SPAG9: variants seen among roughly 807,000 people sequenced by gnomAD.
SPAG9 encodes the protein sperm associated antigen 9.
SPAG9 carries 35 observed loss-of-function variants against 166.5 expected under a neutral mutation model. The observed-to-expected ratio is 0.21, with a 90% CI of 0.16 to 0.28. The LOEUF (loss-of-function observed/expected upper bound fraction) is 0.28, where lower values mean the gene tolerates loss of function less well. Ranked by LOEUF, SPAG9 falls within the 10% of genes least tolerant of loss-of-function variation. The pLI, the probability that SPAG9 is intolerant of heterozygous loss-of-function variation, is 1.00. For missense variants in SPAG9, 1,235 were observed against 1,603.3 expected, an observed-to-expected ratio of 0.77 and a Z score of 3.92; for synonymous variants, 534 against 565.5, an observed-to-expected ratio of 0.94 and a Z score of 0.79.
At chr17:51,046,161 C>A (rs913179237) in intron 4 of SPAG9, among the ~76,000 whole-genome samples, 1 of 152,202 alleles carries the variant, frequency 6.6e-6, no homozygotes, top group African/African-American at 2.4e-5. Context: ...CCTAAATGCT[C>A]AGAAGCTAAA....
At chr17:50,976,392 T>C (rs1974209387) in intron 27 of SPAG9, among the ~76,000 whole-genome samples, 3 of 152,326 alleles carry the variant, frequency 2.0e-5, no homozygotes, top group East Asian at 1.9e-4. Context: ...ACAGGTGGGA[T>C]TGAAACCTTG....
chr17:51,030,654 T>A (rs1437977910), intron 6 of SPAG9, among the ~76,000 whole-genome samples: 1 of 152,154 alleles, frequency 6.6e-6, no homozygotes, highest in African/African-American at 2.4e-5. Flanking sequence ...ACTAAAAACC[T>A]TAACTCTAGA....
At chr17:51,112,973 A>AG (rs1432535110) in intron 1 of SPAG9, among the ~76,000 whole-genome samples, 2 of 149,656 alleles carry the variant, frequency 1.3e-5, no homozygotes, top group Non-Finnish European at 3.0e-5. Context: ...AAAAAAAAGA[A>AG]AAAAAAAAAA....
rs1259538884 is a variant in SPAG9, at chr17:51,120,851, G to T, written c.-195C>A. 3.0e-6 allele frequency: 1 copy of T among 332,332 alleles called. No homozygotes were observed. Among genetic ancestry groups the T allele is most frequent in the Non-Finnish European group, 5.4e-6 (1 of 186,132 alleles). The allele number at this position is 332,332 out of a possible 1,614,324, so 20.6% of individuals were successfully genotyped here. A position where few individuals can be genotyped will look rare whatever the true frequency, so the allele number is the denominator to read the frequency against. ...TGGCGTAGGCGCTCTCACCCCAACC[G>T]CCGCTGCACCAACTGCCGGGGCGGC... On this transcript the variant is annotated 5_prime_UTR_variant, in exon 1 of 30. Coordinates refer to ENST00000262013, the MANE Select transcript of SPAG9 (RefSeq NM_001130528.3). This position sits in a 1 kb window ranked among gnomAD's most constrained non-coding sequence, Gnocchi z 4.7.
chr17:51,046,926 A>G, intron 4 of SPAG9: 1 of 1,481,874 alleles, frequency 6.7e-7, no homozygotes, highest in Non-Finnish European at 9.0e-7. Flanking sequence ...CCCCTCCACT[A>G]AGAGTCCTGG....
intron 2 of SPAG9, among the ~76,000 whole-genome samples, chr17:51,077,211 C>T (rs974428665): frequency 1.3e-5 from 2 of 150,876 alleles, no homozygotes; most frequent in African/African-American, 4.9e-5. Flanking sequence ...GCAACCTCCA[C>T]CTCCCGGGGT....
chr17:50,989,137 T>C (rs1975318789), intron 21 of SPAG9, among the ~76,000 whole-genome samples: 1 of 151,966 alleles, frequency 6.6e-6, no homozygotes, highest in Admixed American at 6.5e-5. Context: ...TTTTGGAAAA[T>C]GATGGACAGA....
chr17:51,054,111 G>T (rs1292493108), intron 3 of SPAG9, among the ~76,000 whole-genome samples: 7 of 139,472 alleles, frequency 5.0e-5, no homozygotes, highest in East Asian at 2.2e-4. Flanking sequence ...ATTAAAATGT[G>T]AGGGCTTTTT....
chr17:51,007,938 C>A, intron 9 of SPAG9: 4 of 389,180 alleles, frequency 1.0e-5, no homozygotes, highest in Middle Eastern at 9.4e-4. Flanking sequence ...GATTATTAAT[C>A]TATAAAGTTT....
intron 4 of SPAG9, chr17:51,047,052 A>C (rs2047045645): frequency 2.1e-6 from 1 of 476,632 alleles, no homozygotes; most frequent in Non-Finnish European, 2.7e-6. Context: ...AAGGACTTCA[A>C]ACCAATTACA....
chr17:50,972,716 T>G (rs1472660652), intron 28 of SPAG9, among the ~76,000 whole-genome samples: 1 of 152,210 alleles, frequency 6.6e-6, no homozygotes, highest in Non-Finnish European at 1.5e-5. Context: ...GTGGATAGGA[T>G]AGTCTGACGT....
chr17:50,972,942 C>T (rs1248997858), intron 28 of SPAG9, among the ~76,000 whole-genome samples: 3 of 152,096 alleles, frequency 2.0e-5, no homozygotes, highest in African/African-American at 7.2e-5. Flanking sequence ...TTATACCCAA[C>T]AAAAAATCCT....
chr17:51,074,162 G>A (rs1166218074), intron 2 of SPAG9, among the ~76,000 whole-genome samples: 25 of 152,076 alleles, frequency 1.6e-4, no homozygotes, highest in Admixed American at 1.3e-3. Flanking sequence ...CGTGAACCCG[G>A]GAGGCAGAGC....
intron 1 of SPAG9, among the ~76,000 whole-genome samples, chr17:51,093,753 A>G (rs957338858): frequency 4.6e-5 from 7 of 152,012 alleles, no homozygotes; most frequent in Non-Finnish European, 1.0e-4. Context: ...AAAGTATGTA[A>G]TAGAAAACTG....
chr17:51,084,861 T>C (rs1404982509), intron 1 of SPAG9, among the ~76,000 whole-genome samples: 1 of 151,920 alleles, frequency 6.6e-6, no homozygotes, highest in Non-Finnish European at 1.5e-5. Context: ...TATTTATTTA[T>C]TTTTTTTGAG....
intron 8 of SPAG9, among the ~76,000 whole-genome samples, chr17:51,015,731 G>GT: frequency 7.1e-6 from 1 of 139,942 alleles, no homozygotes; most frequent in East Asian, 2.0e-4. Flanking sequence ...AAGAATGAGG[G>GT]TTTAAAAAAA....
At chr17:51,060,395 C>A (rs969472181) in intron 2 of SPAG9, among the ~76,000 whole-genome samples, 1 of 150,688 alleles carries the variant, frequency 6.6e-6, no homozygotes. Context: ...CCCAGCTACT[C>A]GGGAGGCTGA....
At chr17:51,014,174 T>C in intron 9 of SPAG9, 58 bp downstream of exon 9, 1 of 1,495,444 alleles carries the variant, frequency 6.7e-7, no homozygotes, top group East Asian at 2.3e-5. Flanking sequence ...TTCAATTAAA[T>C]CATTTAAAAA....
At chr17:51,075,149 T>C (rs573188273) in intron 2 of SPAG9, among the ~76,000 whole-genome samples, 4 of 121,796 alleles carry the variant, frequency 3.3e-5, no homozygotes, top group South Asian at 2.6e-4. Flanking sequence ...TGAACCAATA[T>C]CATGCCATTG....
Sources: allele counts gnomAD v4.1 joint callset (sites outside exome capture counted in the v4.1 genomes callset), GRCh38; gene constraint gnomAD v4.1.1; non-coding constraint Gnocchi (gnomAD v3.1); transcripts MANE v1.5; gene names NCBI Gene and HGNC (gene_info 2026-07-23, HGNC 2026-07-21).